Variants in DMD observed in about 807,000 individuals in gnomAD.
DMD encodes dystrophin, also known as mutant dystrophin.
DMD carries 63 observed loss-of-function variants against 330.1 expected under a neutral mutation model. That is an observed-to-expected ratio of 0.19 (90% CI 0.16 to 0.24). The LOEUF (loss-of-function observed/expected upper bound fraction) is 0.24, where lower values mean the gene tolerates loss of function less well. DMD is among the 10% of genes least tolerant of loss of function. The pLI is 1.00. For synonymous variants in DMD, 1,223 were observed against 959.8 expected (o/e 1.27, Z -5.07); for missense variants, 3,344 against 2,684.1 (o/e 1.25, Z -5.43).
At chrX:32,617,147 G>T (rs2057646221) in intron 11 of DMD, among the ~76,000 whole-genome samples, 1 of 110,508 alleles carries the variant, frequency 9.0e-6, no homozygotes, top group African/African-American at 3.3e-5. Flanking sequence ...GGGGCAAGTA[G>T]TACTACATTA....
intron 51 of DMD, among the ~76,000 whole-genome samples, chrX:31,730,644 G>T (rs1403409289): frequency 9.0e-6 from 1 of 111,144 alleles, no homozygotes. Context: ...ATGAAAAAAA[G>T]GCATCTGACT....
chrX:31,451,395 G>C (rs58591917), intron 59 of DMD, among the ~76,000 whole-genome samples: 22,706 of 104,229 alleles, frequency 0.22, 2,829 homozygotes, highest in African/African-American at 0.44. Flanking sequence ...TGATTCTCCT[G>C]CCTCAGCCTC....
chrX:32,249,790 G>C (rs919863692), intron 43 of DMD, among the ~76,000 whole-genome samples: 1 of 111,063 alleles, frequency 9.0e-6, no homozygotes, highest in Admixed American at 9.7e-5. Context: ...TCTTGTCCTT[G>C]GTTCAAGGAT....
rs1021249741 is a variant in DMD, at chrX:32,759,926, A to T, written c.649+49567T>A. 3.3e-4 allele frequency among the ~76,000 whole-genome samples: 36 copies of T among 110,325 alleles called. 1 individual carries two copies. Among genetic ancestry groups the T allele is most frequent in the African/African-American group, 1.1e-3 (34 of 30,277 alleles). On this transcript the variant is annotated intron_variant, in intron 7 of 78. Transcript: ENST00000357033. ...GGATTCTAACAATTTTCCACTCAGA[A>T]AGTAGTCCCTCAGGAAATTATTAAC...
intron 44 of DMD, among the ~76,000 whole-genome samples, chrX:32,152,417 T>C (rs1488834530): frequency 8.9e-6 from 1 of 111,833 alleles, no homozygotes; most frequent in Non-Finnish European, 1.9e-5. Context: ...TGTTGGACAG[T>C]TCCTAATGTA....
intron 1 of DMD, among the ~76,000 whole-genome samples, chrX:33,274,535 G>A (rs1010636429): frequency 1.8e-5 from 2 of 111,836 alleles, no homozygotes; most frequent in Non-Finnish European, 3.8e-5. Context: ...AAGGTGGAGT[G>A]TAGAAACCAT....
chrX:33,215,056 C>T (rs867463872), upstream of DMD, among the ~76,000 whole-genome samples: 10 of 111,474 alleles, frequency 9.0e-5, no homozygotes, highest in Non-Finnish European at 1.5e-4. Flanking sequence ...CTGTTCAGGC[C>T]GGGTGTGTTA....
chrX:32,870,985 A>G (rs2082940902), intron 2 of DMD, among the ~76,000 whole-genome samples: 1 of 47,882 alleles, frequency 2.1e-5, no homozygotes, highest in Admixed American at 2.6e-4. Flanking sequence ...AAAAAAAAAA[A>G]AAACCACAAA....
intron 1 of DMD, among the ~76,000 whole-genome samples, chrX:33,050,096 T>C (rs752095229): frequency 1.4e-4 from 16 of 111,842 alleles, no homozygotes; most frequent in Non-Finnish European, 2.6e-4. Flanking sequence ...ACTGAAACCA[T>C]TCCAAAAAAA....
Position 32,645,030 on chromosome X carries a change from T to A in DMD, c.1083A>T (p.Thr361=), listed in dbSNP as rs767325921. The change falls in exon 10 of 79, where the codon ACA becomes ACT. Residue 361 remains threonine (T), a synonymous_variant. Coordinates refer to ENST00000357033, the MANE Select transcript of DMD (RefSeq NM_004006.3). ...VLSWLLSAED[T]LQAQGEISND... ...TAGAAATCTCTCCTTGTGCTTGCAA[T>A]GTGTCCTCAGCAGAAAGAAGCCACG... is the stretch of plus-strand genomic sequence containing the variant. 1 of 1,211,796 alleles carries A rather than the reference T, an allele frequency of 8.3e-7. No individual in the cohort carries two copies.
chrX:31,624,911 A>G (rs2078756660), intron 55 of DMD, among the ~76,000 whole-genome samples: 1 of 112,368 alleles, frequency 8.9e-6, no homozygotes, highest in African/African-American at 3.2e-5. Context: ...AATTGCATGT[A>G]ATCTCTTAAG....
chrX:31,939,474 A>C (rs2094964135), intron 45 of DMD, among the ~76,000 whole-genome samples: 1 of 112,167 alleles, frequency 8.9e-6, no homozygotes, highest in African/African-American at 3.2e-5. Flanking sequence ...ATCTGTATGG[A>C]AAGTAAGTCC....
At chrX:32,780,343 TTAGA>T (rs1450612357) in intron 7 of DMD, among the ~76,000 whole-genome samples, 2 of 112,168 alleles carry the variant, frequency 1.8e-5, no homozygotes, top group Non-Finnish European at 3.8e-5. Context: ...CTATTGAGTT[TTAGA>T]TAAAGTTTGA....
At chrX:31,139,006 TA>T (rs1169615562) in intron 76 of DMD, among the ~76,000 whole-genome samples, 1 of 112,378 alleles carries the variant, frequency 8.9e-6, no homozygotes, top group Non-Finnish European at 1.9e-5. Context: ...AGTTGCACAC[TA>T]GAGACCTGCA....
chrX:31,926,597 A>AC (rs1175290394), intron 47 of DMD, among the ~76,000 whole-genome samples: 7 of 109,863 alleles, frequency 6.4e-5, no homozygotes, highest in Non-Finnish European at 1.1e-4. Context: ...AATCACTTGA[A>AC]CCCGGGAGGT....
intron 50 of DMD, among the ~76,000 whole-genome samples, chrX:31,775,644 G>C (rs886093157): frequency 1.8e-5 from 2 of 111,442 alleles, no homozygotes; most frequent in Admixed American, 1.9e-4. Flanking sequence ...CATCTCAACA[G>C]GAGACTCACA....
At chrX:32,403,500 C>T (rs867268740) in intron 30 of DMD, among the ~76,000 whole-genome samples, 13 of 111,766 alleles carry the variant, frequency 1.2e-4, no homozygotes, top group Middle Eastern at 4.6e-3. Context: ...AAATCTATAT[C>T]TTTATCATAT....
intron 29 of DMD, among the ~76,000 whole-genome samples, chrX:32,413,907 G>C (rs1320709397): frequency 9.2e-6 from 1 of 109,047 alleles, no homozygotes; most frequent in Non-Finnish European, 1.9e-5. Context: ...TTTTAGTAGA[G>C]ACAGGGTTTC....
Position 32,809,525 on chromosome X carries a change from T to G in DMD, c.617A>C (p.Gln206Pro). Residue 206 changes from glutamine (Q) to proline (P), a missense_variant, in exon 7 of 79, where the codon CAA (glutamine) becomes CCA (proline). Gln to Pro is a moderately conservative substitution (Grantham distance 76). Transcript: ENST00000357033. ...ATCGAGTAGTTTCTCTATGCCTAAT[T>G]GATATCTGGCGATGTTGAATGCATG... is the stretch of plus-strand genomic sequence containing the variant. ...LEHAFNIARY[Q>P]LGIEKLLDPE... 2.5e-6 allele frequency: 3 copies of G among 1,211,084 alleles called. No homozygotes were observed. Among genetic ancestry groups the G allele is most frequent in the Non-Finnish European group, 3.4e-6 (3 of 895,110 alleles).
Sources: gnomAD v4.1 joint callset for allele counts (sites outside exome capture counted in the v4.1 genomes callset) on GRCh38, gnomAD v4.1.1 for gene constraint, MANE v1.5 for transcripts, NCBI Gene and HGNC (gene_info 2026-07-23, HGNC 2026-07-21) for gene names.